Variants in PM20D2 observed in about 807,000 individuals in gnomAD.
PM20D2 encodes the protein xaa-Arg dipeptidase.
PM20D2 carries 33 observed loss-of-function variants against 42.9 expected under a neutral mutation model. The ratio of observed to expected loss-of-function variants is 0.77; its 90% CI spans 0.58 to 1.03. The LOEUF is 1.03. PM20D2 is among the 50% of genes least tolerant of loss of function. The probability of loss-of-function intolerance (pLI) is 0.00; values close to 1 mark genes in which losing one functional copy is unlikely to be tolerated. For synonymous variants in PM20D2, 250 were observed against 228.2 expected (o/e 1.10, Z -0.86); for missense variants, 548 against 557.0 (o/e 0.98, Z 0.16).
chr6:89,146,593 C>A lies in PM20D2; in HGVS notation c.449C>A (p.Pro150Gln). 1 of 1,450,894 alleles carries A rather than the reference C, an allele frequency of 6.9e-7. No homozygotes were observed. The allele number at this position is 1,450,894 out of a possible 1,614,324, so 89.9% of individuals were successfully genotyped here. A position where few individuals can be genotyped will look rare whatever the true frequency, so the allele number is the denominator to read the frequency against. Residue 150 changes from proline (P) to glutamine (Q), a missense_variant, in exon 1 of 7, where the codon CCG becomes CAG. Physicochemically the swap from Pro to Gln is moderately conservative, Grantham distance 76. Around this residue, in one of 3 missense-constraint regions of PM20D2, gnomAD observed 470 missense variants for 464.4 expected, o/e 1.01. Transcript: ENST00000275072. ...VRGALEGLPR[P>Q]PPPVKVVVLG... ...GGGGCCTTAGAGGGCCTCCCCAGGC[C>A]GCCTCCGCCCGTGAAGGTGAGGTGG...
upstream of PM20D2, among the ~76,000 whole-genome samples, chr6:89,141,297 G>C (rs1401463789): frequency 6.6e-6 from 1 of 152,098 alleles, no homozygotes; most frequent in Non-Finnish European, 1.5e-5. Context: ...AATTAAGTCT[G>C]GCCATTTCTG....
intron 1 of PM20D2, among the ~76,000 whole-genome samples, chr6:89,147,190 A>C (rs1770613398): frequency 6.6e-6 from 1 of 152,176 alleles, no homozygotes; most frequent in South Asian, 2.1e-4. Flanking sequence ...TTCATCCTTA[A>C]GTCTTAATTT....
chr6:89,145,129 G>GA (rs1770479552), upstream of PM20D2, among the ~76,000 whole-genome samples: 1 of 152,162 alleles, frequency 6.6e-6, no homozygotes, highest in South Asian at 2.1e-4. Context: ...TTAATATGTG[G>GA]AAAACCTCAG....
At chr6:89,124,316 C>T in the PM20D2 span, among the ~76,000 whole-genome samples, 1 of 152,170 alleles carries the variant, frequency 6.6e-6, no homozygotes. Context: ...CTATGCAATT[C>T]CACATTTAAT....
chr6:89,146,654 C>CG, intron 1 of PM20D2, 45 bp downstream of exon 1: 1 of 1,335,592 alleles, frequency 7.5e-7, no homozygotes, highest in Non-Finnish European at 9.6e-7. Context: ...CTGCCCGGGT[C>CG]GGGGGCGACC....
rs184813947 is a variant in PM20D2, at chr6:89,162,471, T to C, written c.*208T>C. ...ATCCGTACTTGATAGGATTATGATA[T>C]TACAGGAGCTGGTATGTGATGCCAT... is the stretch of plus-strand genomic sequence containing the variant. On this transcript the variant is annotated 3_prime_UTR_variant, in exon 7 of 7. Coordinates refer to ENST00000275072, the MANE Select transcript of PM20D2 (RefSeq NM_001010853.3). 162 of 439,122 alleles carry C rather than the reference T, an allele frequency of 3.7e-4. 1 individual carries two copies. In the East Asian group the frequency reaches 5.8e-3, roughly 16 times the overall value. 27.2% of individuals were successfully genotyped at this position (439,122 alleles called of 1,614,324 possible).
chr6:89,161,757 C>CT (rs1562263161), intron 5 of PM20D2, 26 bp from the exon 6 acceptor site: 2 of 1,529,566 alleles, frequency 1.3e-6, no homozygotes, highest in Admixed American at 3.3e-5. Context: ...CTTAAATAGA[C>CT]TTTTCTTAAC....
the PM20D2 span, chr6:89,104,980 TAGG>T: frequency 1.3e-6 from 1 of 772,622 alleles, no homozygotes; most frequent in Non-Finnish European, 1.9e-6. Flanking sequence ...TGCTTGAGTC[TAGG>T]AGGTCAAGTC....
intron 1 of PM20D2, among the ~76,000 whole-genome samples, chr6:89,147,084 T>C (rs1770607050): frequency 6.6e-6 from 1 of 152,204 alleles, no homozygotes; most frequent in Non-Finnish European, 1.5e-5. Context: ...ATTCAAGTCA[T>C]TGGTATTTGG....
At chr6:89,145,812 TAAGC>T (rs1354309772), upstream of PM20D2, among the ~76,000 whole-genome samples, 2 of 152,284 alleles carry the variant, frequency 1.3e-5, no homozygotes, top group Admixed American at 6.5e-5. Flanking sequence ...CTGTGGGAAA[TAAGC>T]AACAACGGAA....
chr6:89,147,098 G>C (rs934806830), intron 1 of PM20D2, among the ~76,000 whole-genome samples: 2 of 152,152 alleles, frequency 1.3e-5, no homozygotes, highest in African/African-American at 2.4e-5. Context: ...TATTTGGATA[G>C]GAATTTTCAG....
rs147495131 is a variant in PM20D2, at chr6:89,162,142, C to T, written c.1190C>T (p.Thr397Met). 348 of 1,614,000 alleles carry T rather than the reference C, an allele frequency of 2.2e-4. 1 individual carries two copies. In the African/African-American group the frequency reaches 3.5e-3, roughly 16 times the overall value. ...SQEAQFYTLR[T>M]AKALAMTALD... ...GAAGCTCAGTTCTACACTCTGCGGACGGCCAAAGCTCTGGCAATGACGGCA... is the reference window on the plus strand; with the variant it reads ...GAAGCTCAGTTCTACACTCTGCGGATGGCCAAAGCTCTGGCAATGACGGCA... Residue 397 changes from threonine (T) to methionine (M), a missense_variant, in exon 7 of 7, where the codon ACG (threonine) becomes ATG (methionine). Around this residue, in one of 3 missense-constraint regions of PM20D2, gnomAD observed 71 missense variants for 69.7 expected, o/e 1.02. Transcript: ENST00000275072.
the PM20D2 span, among the ~76,000 whole-genome samples, chr6:89,100,091 T>C: frequency 6.6e-6 from 1 of 151,874 alleles, no homozygotes; most frequent in Admixed American, 6.6e-5. Context: ...TAGAGAAGAG[T>C]GAATTAGAGA....
rs780499113 is a variant in PM20D2 at position 89,154,744 on chromosome 6, A to G, written c.758-4A>G. On this transcript the variant is annotated splice_region_variant and splice_polypyrimidine_tract_variant and intron_variant, in intron 3 of 6. Coordinates refer to ENST00000275072, the MANE Select transcript of PM20D2 (RefSeq NM_001010853.3). ...TAATTCTAGTAATTTGGTTCTTTTT[A>G]TAGGTATAATAAAAAATGGTGGTGT... The G allele has an allele frequency of 4.0e-6, 6 of 1,505,922 alleles. No homozygotes were observed. The highest frequency in any genetic ancestry group is 5.4e-6 in the Non-Finnish European group (6 of 1,121,006). The allele number at this position is 1,505,922 out of a possible 1,614,324, so 93.3% of individuals were successfully genotyped here.
At chr6:89,098,962 A>G in the PM20D2 span, 14 of 1,603,886 alleles carry the variant, frequency 8.7e-6, no homozygotes, top group Non-Finnish European at 1.1e-5. Flanking sequence ...AAACATCCAT[A>G]ATGTTAGAGC....
the PM20D2 span, among the ~76,000 whole-genome samples, chr6:89,131,315 C>T: frequency 1.3e-5 from 2 of 152,132 alleles, no homozygotes; most frequent in African/African-American, 4.8e-5. Context: ...GATTAGATAT[C>T]AGCATAAGTT....
the PM20D2 span, among the ~76,000 whole-genome samples, chr6:89,115,662 G>A: frequency 3.0e-5 from 4 of 135,134 alleles, no homozygotes; most frequent in South Asian, 9.4e-4. Context: ...TTGAGACGGA[G>A]TCCTCGCTCT....
the PM20D2 span, among the ~76,000 whole-genome samples, chr6:89,103,508 T>A: frequency 2.0e-5 from 3 of 152,138 alleles, no homozygotes; most frequent in African/African-American, 7.2e-5. Flanking sequence ...TTTGTATTTT[T>A]AGTAGACACG....
At chr6:89,134,692 C>T in the PM20D2 span, among the ~76,000 whole-genome samples, 2 of 151,112 alleles carry the variant, frequency 1.3e-5, no homozygotes, top group Non-Finnish European at 2.9e-5. Flanking sequence ...TATATAAGAA[C>T]ACAACATTAC....
Sources: allele counts gnomAD v4.1 joint callset (sites outside exome capture counted in the v4.1 genomes callset), GRCh38; gene constraint gnomAD v4.1.1; regional missense constraint gnomAD v4.1.1; transcripts MANE v1.5; gene names NCBI Gene and HGNC (gene_info 2026-07-23, HGNC 2026-07-21).